Variants in TUBGCP6 observed in about 807,000 individuals in gnomAD.
TUBGCP6 encodes the protein gamma-tubulin complex component 6.
Under a neutral mutation model 175.8 loss-of-function variants are expected in TUBGCP6, and 161 were observed. That is an observed-to-expected ratio of 0.92 (90% CI 0.81 to 1.04). TUBGCP6 has a LOEUF of 1.04. Ranked by LOEUF, TUBGCP6 falls within the 50% of genes least tolerant of loss-of-function variation. TUBGCP6 has a pLI of 0.00. For missense variants in TUBGCP6, 2,572 were observed against 2,433.0 expected, an observed-to-expected ratio of 1.06 and a Z score of -1.20; for synonymous variants, 1,173 against 1,030.5, an observed-to-expected ratio of 1.14 and a Z score of -2.65.
Position 50,244,646 on chromosome 22 carries a change from A to T in TUBGCP6, c.-187T>A. 1 of 985,366 alleles carries T rather than the reference A, an allele frequency of 1.0e-6. No homozygotes were observed. Among genetic ancestry groups the T allele is most frequent in the Non-Finnish European group, 1.4e-6 (1 of 695,812 alleles). 61.0% of individuals were successfully genotyped at this position (985,366 alleles called of 1,614,324 possible). A position where few individuals can be genotyped will look rare whatever the true frequency, so the allele number is the denominator to read the frequency against. On this transcript the variant is annotated 5_prime_UTR_variant, in exon 1 of 25. Coordinates refer to ENST00000248846, the MANE Select transcript of TUBGCP6 (RefSeq NM_020461.4). ...TGCGGTTGCTCTACTCAGAGTAAAC[A>T]CGCCCTGCCCTCCCCAGTCCAAGCA...
intron 2 of TUBGCP6, among the ~76,000 whole-genome samples, chr22:50,234,416 CCACACCCAAG>C (rs2064737969): frequency 6.7e-6 from 1 of 150,150 alleles, no homozygotes. Flanking sequence ...ACAGCAGCAT[CCACACCCAAG>C]TCCACGGCAG....
Position 50,220,016 on chromosome 22 carries a change from C to CTG in TUBGCP6, c.4109-3_4109-2dup, listed in dbSNP as rs1235946566. On this transcript the variant is annotated splice_acceptor_variant, in intron 16 of 24. Coordinates refer to ENST00000248846, the MANE Select transcript of TUBGCP6 (RefSeq NM_020461.4). LOFTEE classifies it high-confidence loss of function. ...TCAGTGTCCCCGCTCCTCCCAGGGC[C>CTG]TGTGTGGACACAAGTGGACACGAGG... The CTG allele has an allele frequency of 9.3e-6, 15 of 1,613,334 alleles. No homozygotes were observed. Among genetic ancestry groups the CTG allele is most frequent in the Non-Finnish European group, 1.2e-5 (14 of 1,179,654 alleles).
intron 2 of TUBGCP6, among the ~76,000 whole-genome samples, chr22:50,237,986 G>A (rs1017133147): frequency 1.3e-5 from 2 of 152,166 alleles, no homozygotes; most frequent in African/African-American, 4.8e-5. Flanking sequence ...GCCAGGCGTG[G>A]TGTCCCATGC....
In TUBGCP6 at chr22:50,218,559, A is replaced by C; in HGVS notation, c.4883T>G (p.Phe1628Cys). The C allele has an allele frequency of 6.2e-7, 1 of 1,613,704 alleles. No individual in the cohort carries two copies. Among genetic ancestry groups the C allele is most frequent in the South Asian group, 1.1e-5 (1 of 91,084 alleles). Residue 1628 changes from phenylalanine (F) to cysteine (C), a missense_variant, in exon 22 of 25, where the codon TTC becomes TGC. Physicochemically the swap from Phe to Cys is radical, Grantham distance 205. Coordinates refer to ENST00000248846, the MANE Select transcript of TUBGCP6 (RefSeq NM_020461.4). ...GAGCTTCAGCTGCAGCAGGAAGGAG[A>C]AGACGCCGCTGTACTTGCTCACGCA... ...EGCVSKYSGV[F>C]SFLLQLKLMM...
rs753236977 is a variant in TUBGCP6, at chr22:50,224,518, T to C, written c.2058A>G (p.Ala686=). The change falls in exon 11 of 25, where the codon GCA becomes GCG. Residue 686 remains alanine, a synonymous_variant. Coordinates refer to ENST00000248846, the MANE Select transcript of TUBGCP6 (RefSeq NM_020461.4). ...AREAASRVLS[A]LSDRQMSERM... ...GGACTTGGGGCCACTCACCACTCAG[T>C]GCACTCAGGACCCTGGATGCTGCTT... is the stretch of plus-strand genomic sequence containing the variant. 1.2e-6 allele frequency: 2 copies of C among 1,614,156 alleles called. No individual in the cohort carries two copies. The highest frequency in any genetic ancestry group is 8.5e-7 in the Non-Finnish European group (1 of 1,180,016).
Position 50,229,459 on chromosome 22 carries a change from T to G in TUBGCP6, c.1235A>C (p.His412Pro). The change falls in exon 4 of 25, where the codon CAT becomes CCT. Residue 412 changes from histidine (H) to proline (P), a missense_variant. Transcript: ENST00000248846. ...EYGTCYTRLS[H>P]FSLQPVLDSL... ...GTCCAGGACGGGCTGCAGAGAGAAA[T>G]GACTCAGGCGCGTGTAGCAGGTCCC... 1 of 1,613,274 alleles carries G rather than the reference T, an allele frequency of 6.2e-7. No individual in the cohort carries two copies. Among genetic ancestry groups the G allele is most frequent in the Non-Finnish European group, 8.5e-7 (1 of 1,179,868 alleles).
At position 50,226,747 on chromosome 22, in the gene TUBGCP6, G is replaced by A. The variant is rs750623199; in HGVS notation, c.1587C>T (p.Cys529=). 9.5e-6 allele frequency: 15 copies of A among 1,585,458 alleles called. No homozygotes were observed. Among genetic ancestry groups the A allele is most frequent in the East Asian group, 6.8e-5 (3 of 43,972 alleles). The part of the protein sequence containing the change: ...PVLLSLLKTS[C]EPYTRFIHDW... Reference sequence around the variant, plus strand: ...CCACTGCCCACCGGGTGTAGGGCTCGCAGCTGGTCTTCAGCAGGGACAGCA... The same window carrying A: ...CCACTGCCCACCGGGTGTAGGGCTCACAGCTGGTCTTCAGCAGGGACAGCA... Residue 529 remains cysteine, a synonymous_variant, in exon 7 of 25, where the codon TGC becomes TGT. Coordinates refer to ENST00000248846, the MANE Select transcript of TUBGCP6 (RefSeq NM_020461.4).
Position 50,220,453 on chromosome 22 carries a change from G to T in TUBGCP6, c.3906C>A (p.Ser1302=). The T allele has an allele frequency of 1.1e-5, 18 of 1,612,738 alleles. No homozygotes were observed. Among genetic ancestry groups the T allele is most frequent in the Non-Finnish European group, 1.4e-5 (17 of 1,179,840 alleles). ...GTGCTCCCAGGCTGAGCGCTGACTG[G>T]GACGTGTGGCCAGGGGGGCTCTGTT... The part of the protein sequence containing the change: ...RPQQSPPGHT[S]QSALSLGAQS... Residue 1302 remains serine (S), a synonymous_variant, in exon 16 of 25, where the codon TCC becomes TCA. Transcript: ENST00000248846.
In TUBGCP6 at chr22:50,220,775, C is replaced by G. The variant is rs2064506252; in HGVS notation, c.3584G>C (p.Ser1195Thr). 1 of 1,602,732 alleles carries G rather than the reference C, an allele frequency of 6.2e-7. No individual in the cohort carries two copies. Among genetic ancestry groups the G allele is most frequent in the Admixed American group, 1.8e-5 (1 of 57,028 alleles). ...TGACACAGACTCCCCCAAGCTGATG[C>G]TGGCATCAGACACGTGTCCATGGGT... ...WNTHGHVSDA[S>T]ISLGESVSDM... Residue 1195 changes from serine (S) to threonine (T), a missense_variant, in exon 16 of 25, where the codon AGC (serine) becomes ACC (threonine). Physicochemically the swap from Ser to Thr is moderately conservative, Grantham distance 58 (BLOSUM62 1). Transcript: ENST00000248846.
rs1569130810 is a variant in TUBGCP6 at position 50,244,636 on chromosome 22, C to CA, written c.-178dup. On this transcript the variant is annotated 5_prime_UTR_variant, in exon 1 of 25. Coordinates refer to ENST00000248846, the MANE Select transcript of TUBGCP6 (RefSeq NM_020461.4). ...AAGGAGGTCTTGCGGTTGCTCTACTCAGAGTAAACACGCCCTGCCCTCCCC... is the reference window on the plus strand; with the variant it reads ...AAGGAGGTCTTGCGGTTGCTCTACTCAAGAGTAAACACGCCCTGCCCTCCCC... 8 of 1,090,888 alleles carry CA rather than the reference C, an allele frequency of 7.3e-6. No homozygotes were observed. Among genetic ancestry groups the CA allele is most frequent in the South Asian group, 3.4e-5 (2 of 58,986 alleles). 67.6% of individuals were successfully genotyped at this position (1,090,888 alleles called of 1,614,324 possible).
chr22:50,244,026 T>A lies in TUBGCP6; in HGVS notation c.434A>T (p.Tyr145Phe). The A allele has an allele frequency of 6.2e-7, 1 of 1,614,160 alleles. No homozygotes were observed. The highest frequency in any genetic ancestry group is 8.5e-7 in the Non-Finnish European group (1 of 1,180,040). ...CAGGTCGTCGCAATCATAGCCGCTG[T>A]ACGGAACGTTTCTCCCCACATGCTT... ...NNKHVGRNVP[Y>F]SGYDCDDLSV... The change falls in exon 1 of 25, where the codon TAC becomes TTC. Residue 145 changes from tyrosine to phenylalanine, a missense_variant. Physicochemically the swap from Tyr to Phe is conservative, Grantham distance 22. Transcript: ENST00000248846.
At position 50,220,303 on chromosome 22, in the gene TUBGCP6, G is replaced by T. The variant is rs750766179; in HGVS notation, c.4056C>A (p.Pro1352=). ...GGGTGTTGGGCCACCATGGTTGGGTGGGAGCCACGTCTGACACGTTCTCCC... is the reference window on the plus strand; with the variant it reads ...GGGTGTTGGGCCACCATGGTTGGGTTGGAGCCACGTCTGACACGTTCTCCC... ...SVGENVSDVA[P]TQPWWPNTPG... Residue 1352 remains proline, a synonymous_variant, in exon 16 of 25, where the codon CCC becomes CCA. Transcript: ENST00000248846. The T allele has an allele frequency of 1.3e-6, 2 of 1,577,334 alleles. No individual in the cohort carries two copies. Among genetic ancestry groups the T allele is most frequent in the Non-Finnish European group, 1.7e-6 (2 of 1,157,436 alleles).
At chr22:50,223,874 TAAAG>T (rs1416832287) in intron 13 of TUBGCP6, 1 of 292,390 alleles carries the variant, frequency 3.4e-6, no homozygotes, top group Non-Finnish European at 6.2e-6. Flanking sequence ...AGAAGATAAA[TAAAG>T]AGACAGGACC....
chr22:50,218,816 G>C lies in TUBGCP6; in HGVS notation c.4708C>G (p.Leu1570Val), dbSNP rs892926026. 1.9e-6 allele frequency: 3 copies of C among 1,614,008 alleles called. No homozygotes were observed. Among genetic ancestry groups the C allele is most frequent in the Non-Finnish European group, 2.5e-6 (3 of 1,180,016 alleles). ...SVLSKALQCS[L>V]HGDTPHASNL... Reference sequence around the variant, plus strand: ...GAGGCGTGCGGGGTGTCCCCATGCAGGCTGCACTGCAGGGCCTTGCTCAGC... The same window carrying C: ...GAGGCGTGCGGGGTGTCCCCATGCACGCTGCACTGCAGGGCCTTGCTCAGC... The change falls in exon 21 of 25, where the codon CTG (leucine) becomes GTG (valine). Residue 1570 changes from leucine to valine, a missense_variant. Transcript: ENST00000248846.
rs539839280 is a variant in TUBGCP6, at chr22:50,234,400, C to G, written c.906-874G>C. Among the ~76,000 whole-genome samples the G allele has an allele frequency of 4.1e-5, 6 of 147,668 alleles. No homozygotes were observed. In the South Asian group the frequency reaches 1.1e-3, roughly 27 times the overall value. On this transcript the variant is annotated intron_variant, in intron 2 of 24. Transcript: ENST00000248846. ...GTCCACGGCAGCATCATCCACACCC[C>G]TGTCCACAGCAGCATCCACACCCAA...
chr22:50,232,273 G>C (rs1325634075), intron 3 of TUBGCP6, among the ~76,000 whole-genome samples: 1 of 151,916 alleles, frequency 6.6e-6, no homozygotes, highest in Non-Finnish European at 1.5e-5. Flanking sequence ...GGCTGAGGCA[G>C]GAGAATTGCT....
At chr22:50,226,975 A>G (rs371561419) in intron 6 of TUBGCP6, 24 bp downstream of exon 6, 8 of 1,607,758 alleles carry the variant, frequency 5.0e-6, no homozygotes, top group Non-Finnish European at 6.8e-6. Flanking sequence ...AGGCTGACAC[A>G]CTCGGCAGGG....
chr22:50,218,271 A>G lies in TUBGCP6; in HGVS notation c.5086T>C (p.Phe1696Leu). Residue 1696 changes from phenylalanine (F) to leucine (L), a missense_variant, in exon 23 of 25, where the codon TTC becomes CTC. Physicochemically the swap from Phe to Leu is conservative, Grantham distance 22 (BLOSUM62 0). Coordinates refer to ENST00000248846, the MANE Select transcript of TUBGCP6 (RefSeq NM_020461.4). ...NQILHVTWCE[F>L]RARLATVGDL... is the part of the protein sequence containing the mutation. ...CCCACGGTGGCCAACCTGGCCCTGAACTCGCACCAGGTGACGTGCAGGATC... is the reference window on the plus strand; with the variant it reads ...CCCACGGTGGCCAACCTGGCCCTGAGCTCGCACCAGGTGACGTGCAGGATC... 6.2e-7 allele frequency: 1 copy of G among 1,613,064 alleles called. No individual in the cohort carries two copies. The highest frequency in any genetic ancestry group is 8.5e-7 in the Non-Finnish European group (1 of 1,179,978).
intron 4 of TUBGCP6, among the ~76,000 whole-genome samples, chr22:50,228,315 AGCTGCCCC>A (rs2064643636): frequency 1.4e-5 from 2 of 140,908 alleles, no homozygotes; most frequent in Non-Finnish European, 3.2e-5. Flanking sequence ...ATCTGAGCCC[AGCTGCCCC>A]AGGGGCGCCC....
Sources: allele counts gnomAD v4.1 joint callset (sites outside exome capture counted in the v4.1 genomes callset), GRCh38; gene constraint gnomAD v4.1.1; transcripts MANE v1.5; gene names NCBI Gene and HGNC (gene_info 2026-07-23, HGNC 2026-07-21).